The following STX18 variants were observed in gnomAD, a reference collection of about 807,000 sequenced individuals.
The protein encoded by STX18 is syntaxin 18.
STX18 carries 40 observed loss-of-function variants against 50.1 expected under a neutral mutation model. The ratio of observed to expected loss-of-function variants is 0.80; its 90% CI spans 0.62 to 1.04. STX18 has a LOEUF of 1.04. Ranked by LOEUF, STX18 falls within the 50% of genes least tolerant of loss-of-function variation. The pLI is 0.00. For missense variants in STX18, 410 were observed against 415.8 expected (o/e 0.99, Z 0.12); for synonymous variants, 158 against 151.8 (o/e 1.04, Z -0.30).
At chr4:4,424,212 G>C (rs1444133728) in intron 8 of STX18, among the ~76,000 whole-genome samples, 1 of 152,142 alleles carries the variant, frequency 6.6e-6, no homozygotes, top group African/African-American at 2.4e-5. Flanking sequence ...CTACCCTGGG[G>C]GGCGGGTGGG....
intron 1 of STX18, among the ~76,000 whole-genome samples, chr4:4,524,436 C>G (rs561912467): frequency 6.6e-6 from 1 of 152,328 alleles, no homozygotes; most frequent in Non-Finnish European, 1.5e-5. Context: ...GGCAGTATAT[C>G]CTTTTAGTGG....
chr4:4,471,909 CTAAT>C (rs1727940900), intron 1 of STX18, among the ~76,000 whole-genome samples: 1 of 152,298 alleles, frequency 6.6e-6, no homozygotes, highest in South Asian at 2.1e-4. Context: ...CCTTCCACCT[CTAAT>C]TATTAGGACC....
Position 4,541,985 on chromosome 4 carries a change from C to T in STX18, c.-21G>A, listed in dbSNP as rs1731628952. ...GCCATAGCGACCCGCACCCTCAGCC[C>T]CACACTAGGCCCGCCCACGTAAGCA... On this transcript the variant is annotated 5_prime_UTR_variant, in exon 1 of 11. Coordinates refer to ENST00000306200, the MANE Select transcript of STX18 (RefSeq NM_016930.4). 1.9e-6 allele frequency: 3 copies of T among 1,564,710 alleles called. No homozygotes were observed. Among genetic ancestry groups the T allele is most frequent in the African/African-American group, 2.8e-5 (2 of 72,294 alleles).
chr4:4,509,070 T>C (rs1297355295), intron 1 of STX18, among the ~76,000 whole-genome samples: 2 of 152,230 alleles, frequency 1.3e-5, no homozygotes, highest in African/African-American at 2.4e-5. Flanking sequence ...TTTCTTTGGA[T>C]AGATACCCAC....
chr4:4,424,304 G>A (rs1205246861), intron 8 of STX18, among the ~76,000 whole-genome samples: 5 of 152,208 alleles, frequency 3.3e-5, no homozygotes, highest in Admixed American at 6.5e-5. Context: ...GGAAGTGACA[G>A]GAGGCAAAAA....
At chr4:4,469,577 C>T (rs1024992884) in intron 2 of STX18, among the ~76,000 whole-genome samples, 2 of 152,046 alleles carry the variant, frequency 1.3e-5, no homozygotes, top group Non-Finnish European at 2.9e-5. Flanking sequence ...ATGCTTGTAC[C>T]GCTGAATGTA....
rs537273007 is a variant in STX18 at position 4,487,613 on chromosome 4, C to T, written c.169-15907G>A. 7.9e-5 allele frequency among the ~76,000 whole-genome samples: 12 copies of T among 152,318 alleles called. No homozygotes were observed. The South Asian group carries it at 1.7e-3, about 21-fold the overall frequency. The stretch of plus-strand genomic sequence containing the variant: ...TCCGAGGATAAAACTCAGTGAAGAA[C>T]GAAACCAAAGAGGTGTTACCTGCAG... On this transcript the variant is annotated intron_variant, in intron 1 of 10. Coordinates refer to ENST00000306200, the MANE Select transcript of STX18 (RefSeq NM_016930.4).
intron 2 of STX18, among the ~76,000 whole-genome samples, chr4:4,464,055 T>C (rs1355581221): frequency 3.9e-5 from 6 of 152,240 alleles, no homozygotes; most frequent in Non-Finnish European, 7.3e-5. Context: ...ATTTATTTTA[T>C]ATTCTCTATC....
chr4:4,422,590 GAAAAAA>G (rs1166863849), intron 9 of STX18, among the ~76,000 whole-genome samples: 1 of 148,418 alleles, frequency 6.7e-6, no homozygotes, highest in Non-Finnish European at 1.5e-5. Flanking sequence ...AAAAGAAAAA[GAAAAAA>G]AAAGAAAAGA....
rs994470402 is a variant in STX18 at position 4,498,798 on chromosome 4, AAG to A, written c.169-27094_169-27093del. Among the ~76,000 whole-genome samples the A allele has an allele frequency of 2.6e-4, 40 of 152,228 alleles. 1 individual carries two copies. Among genetic ancestry groups the A allele is most frequent in the Admixed American group, 2.0e-3 (31 of 15,286 alleles). On this transcript the variant is annotated intron_variant, in intron 1 of 10. Transcript: ENST00000306200. ...GATCTAGGTTTTTTTATTTGATAAA[AAG>A]AGAGAGAAAGATGTGGACAACGAAA... is the stretch of plus-strand genomic sequence containing the variant.
intron 2 of STX18, among the ~76,000 whole-genome samples, chr4:4,465,463 G>C (rs1009487481): frequency 6.6e-6 from 1 of 152,232 alleles, no homozygotes; most frequent in African/African-American, 2.4e-5. Context: ...CAGGGACATG[G>C]ATGGAGCTGG....
intron 1 of STX18, among the ~76,000 whole-genome samples, chr4:4,503,155 A>T (rs949268239): frequency 9.9e-5 from 15 of 152,176 alleles, no homozygotes; most frequent in Non-Finnish European, 2.2e-4. Context: ...AAGTTCCAAG[A>T]ACTGCGTGGG....
rs1448469456 is a variant in STX18, at chr4:4,517,147, C to T, written c.168+24650G>A. Among the ~76,000 whole-genome samples, 2 of 152,190 alleles carry T rather than the reference C, an allele frequency of 1.3e-5. 1 individual carries two copies. The highest frequency in any genetic ancestry group is 1.3e-4 in the Admixed American group (2 of 15,286). On this transcript the variant is annotated intron_variant, in intron 1 of 10. Transcript: ENST00000306200. ...CTTTGGAAAACAGCTATAGAATTCC[C>T]AGGGCTGTTCTGAACCAGCGGTATT... is the stretch of plus-strand genomic sequence containing the variant.
chr4:4,451,378 G>A (rs1452717671), intron 5 of STX18, among the ~76,000 whole-genome samples: 1 of 152,210 alleles, frequency 6.6e-6, no homozygotes, highest in Non-Finnish European at 1.5e-5. Flanking sequence ...AAAAGTAATT[G>A]TTTCAGATTT....
At chr4:4,514,248 C>A (rs1303715168) in intron 1 of STX18, among the ~76,000 whole-genome samples, 2 of 152,192 alleles carry the variant, frequency 1.3e-5, no homozygotes, top group African/African-American at 4.8e-5. Flanking sequence ...CTTCTCACTG[C>A]AGATGGAGAA....
intron 1 of STX18, among the ~76,000 whole-genome samples, chr4:4,496,888 C>T (rs1729202301): frequency 6.6e-6 from 1 of 152,162 alleles, no homozygotes; most frequent in Non-Finnish European, 1.5e-5. Flanking sequence ...TGGGAAGCAG[C>T]GACTTACACA....
intron 1 of STX18, 78 bp downstream of exon 1, chr4:4,541,719 G>A: frequency 6.6e-7 from 1 of 1,504,992 alleles, no homozygotes; most frequent in South Asian, 1.3e-5. Context: ...TACGGGACGG[G>A]GTCTGGTTTG....
At chr4:4,500,112 C>T (rs1729368638) in intron 1 of STX18, among the ~76,000 whole-genome samples, 1 of 152,070 alleles carries the variant, frequency 6.6e-6, no homozygotes, top group Admixed American at 6.5e-5. Flanking sequence ...CTCTTCAATT[C>T]TTATTTTCTC....
chr4:4,541,878 G>A lies in STX18; in HGVS notation c.87C>T (p.Gly29=). ...RNKALGVAVG[G]GVDGSRDELF... ...GCTCGTCCCGGCTGCCATCGACCCC[G>A]CCGCCCACCGCCACTCCCAGCGCCT... Residue 29 remains glycine (G), a synonymous_variant, in exon 1 of 11, where the codon GGC becomes GGT. Coordinates refer to ENST00000306200, the MANE Select transcript of STX18 (RefSeq NM_016930.4). 1.9e-6 allele frequency: 3 copies of A among 1,603,004 alleles called. No individual in the cohort carries two copies. The highest frequency in any genetic ancestry group is 2.2e-5 in the East Asian group (1 of 44,736).
Sources: allele counts gnomAD v4.1 joint callset (sites outside exome capture counted in the v4.1 genomes callset), GRCh38; gene constraint gnomAD v4.1.1; transcripts MANE v1.5; gene names NCBI Gene and HGNC (gene_info 2026-07-23, HGNC 2026-07-21).